Variants in ALPK3 observed in about 807,000 individuals in gnomAD.
ALPK3 encodes alpha kinase 3.
Under a neutral mutation model 140.0 loss-of-function variants are expected in ALPK3, and 102 were observed. The ratio of observed to expected loss-of-function variants is 0.73; its 90% confidence interval spans 0.62 to 0.86. ALPK3 has a LOEUF of 0.86. ALPK3 is among the 40% of genes least tolerant of loss of function. ALPK3 has a pLI of 0.00. For missense variants in ALPK3, 2,254 were observed against 2,208.2 expected (o/e 1.02, Z -0.42); for synonymous variants, 938 against 898.5 (o/e 1.04, Z -0.79).
chr15:84,849,604 G>C (rs1481304783), intron 5 of ALPK3, among the ~76,000 whole-genome samples: 1 of 152,096 alleles, frequency 6.6e-6, no homozygotes, highest in Non-Finnish European at 1.5e-5. Flanking sequence ...ATCAATGACA[G>C]AAAGATAATA....
At position 84,873,262 on chromosome 15, in the gene ALPK3, C is replaced by A. The variant is rs1452615610; in HGVS notation, c.*4806C>A. 1 of 152,132 alleles carries A rather than the reference C, an allele frequency of 6.6e-6. No homozygotes were observed. The highest frequency in any genetic ancestry group is 1.5e-5 in the Non-Finnish European group (1 of 68,022). The allele number at this position is 152,132 out of a possible 1,614,324, so 9.4% of individuals were successfully genotyped here. ...GATGGGCTGGGTGCATGCCAGGGACCCAATCAAGCATTTTTATCTTCTGAA... is the reference window on the plus strand; with the variant it reads ...GATGGGCTGGGTGCATGCCAGGGACACAATCAAGCATTTTTATCTTCTGAA... On this transcript the variant is annotated 3_prime_UTR_variant, in exon 14 of 14. Coordinates refer to ENST00000258888, the MANE Select transcript of ALPK3 (RefSeq NM_020778.5).
intron 3 of ALPK3, among the ~76,000 whole-genome samples, chr15:84,833,128 A>G (rs975943795): frequency 6.6e-6 from 1 of 152,190 alleles, no homozygotes; most frequent in Non-Finnish European, 1.5e-5. Flanking sequence ...CACACAACCT[A>G]CCTACTGTGT....
intron 3 of ALPK3, among the ~76,000 whole-genome samples, chr15:84,831,888 C>T (rs555457448): frequency 8.5e-5 from 13 of 152,106 alleles, no homozygotes; most frequent in Admixed American, 1.3e-4. Flanking sequence ...GGTTTCCTAG[C>T]GAAAGGTTTT....
At chr15:84,817,907 T>A (rs1051589374) in intron 1 of ALPK3, among the ~76,000 whole-genome samples, 1 of 152,168 alleles carries the variant, frequency 6.6e-6, no homozygotes, top group Admixed American at 6.5e-5. Flanking sequence ...TGCTACTCCC[T>A]GGCTTGGGAT....
At chr15:84,837,209 G>A (rs1215068968) in intron 3 of ALPK3, among the ~76,000 whole-genome samples, 1 of 152,196 alleles carries the variant, frequency 6.6e-6, no homozygotes, top group Non-Finnish European at 1.5e-5. Flanking sequence ...GGAGGAGGCT[G>A]TGGGGTCAAA....
intron 3 of ALPK3, among the ~76,000 whole-genome samples, chr15:84,832,752 A>G (rs546090335): frequency 7.2e-5 from 11 of 152,260 alleles, no homozygotes; most frequent in African/African-American, 2.6e-4. Context: ...TGATGACAAA[A>G]CCAGTACCTT....
intron 5 of ALPK3, among the ~76,000 whole-genome samples, chr15:84,844,964 G>T (rs1963711928): frequency 6.6e-6 from 1 of 152,244 alleles, no homozygotes; most frequent in Non-Finnish European, 1.5e-5. Flanking sequence ...TTTATTTCTG[G>T]ATAAGATGGA....
chr15:84,857,689 T>TG lies in ALPK3; in HGVS notation c.2956dup (p.Ala986GlyfsTer22). 6.2e-7 allele frequency: 1 copy of TG among 1,610,372 alleles called. No homozygotes were observed. The highest frequency in any genetic ancestry group is 8.5e-7 in the Non-Finnish European group (1 of 1,177,478). On this transcript the variant is annotated frameshift_variant, in exon 6 of 14. Transcript: ENST00000258888. LOFTEE classifies it high-confidence loss of function. ...AGTGGAGCAGGGGGAGAGTCCCAGGTGGGGGCAGCCACCGGAGGTCTGGTG... is the reference window on the plus strand; with the variant it reads ...AGTGGAGCAGGGGGAGAGTCCCAGGTGGGGGGCAGCCACCGGAGGTCTGGTG...
In ALPK3 at chr15:84,858,170, A is replaced by G; in HGVS notation, c.3432A>G (p.Pro1144=). Reference sequence around the variant, plus strand: ...AGCCCTCCCAAGAGGAGAAGTTCCCAGGGGAGGCTCTGACAGGTCTCCCGG... The same window carrying G: ...AGCCCTCCCAAGAGGAGAAGTTCCCGGGGGAGGCTCTGACAGGTCTCCCGG... ...AQEPSQEEKF[P]GEALTGLPAA... is the part of the protein sequence containing the mutation. The change falls in exon 6 of 14, where the codon CCA becomes CCG. Residue 1144 remains proline, a synonymous_variant. Coordinates refer to ENST00000258888, the MANE Select transcript of ALPK3 (RefSeq NM_020778.5). The G allele has an allele frequency of 1.2e-6, 2 of 1,611,654 alleles. No homozygotes were observed. The highest frequency in any genetic ancestry group is 8.5e-7 in the Non-Finnish European group (1 of 1,179,080).
chr15:84,822,431 C>T lies in ALPK3; in HGVS notation c.144-899C>T, dbSNP rs774255064. 4.5e-4 allele frequency among the ~76,000 whole-genome samples: 68 copies of T among 152,070 alleles called. 1 individual carries two copies. The highest frequency in any genetic ancestry group is 8.7e-4 in the Non-Finnish European group (59 of 68,012). ...CTTTCTTATGGTTAGAGACATAGAC[C>T]GTGAGCACCATTGAACAGGCTGGGC... On this transcript the variant is annotated intron_variant, in intron 1 of 13. Coordinates refer to ENST00000258888, the MANE Select transcript of ALPK3 (RefSeq NM_020778.5).
chr15:84,854,539 G>A (rs931457177), intron 5 of ALPK3, among the ~76,000 whole-genome samples: 8 of 152,086 alleles, frequency 5.3e-5, no homozygotes, highest in Admixed American at 1.3e-4. Context: ...TGCCTGCCTC[G>A]GCCTCCCAAA....
chr15:84,818,910 C>T (rs533736123), intron 1 of ALPK3, among the ~76,000 whole-genome samples: 115 of 152,366 alleles, frequency 7.5e-4, no homozygotes, highest in Admixed American at 2.8e-3. Context: ...GAGAAGCTGA[C>T]TCCCTTGTGG....
intron 2 of ALPK3, among the ~76,000 whole-genome samples, chr15:84,826,707 C>G (rs1022536719): frequency 3.3e-5 from 5 of 152,124 alleles, no homozygotes; most frequent in African/African-American, 1.2e-4. Context: ...AAAGTTCTGG[C>G]TTTTGCAGGG....
intron 5 of ALPK3, among the ~76,000 whole-genome samples, chr15:84,849,833 C>A (rs545789762): frequency 6.6e-6 from 1 of 151,536 alleles, no homozygotes; most frequent in African/African-American, 2.4e-5. Flanking sequence ...AACCTAAGTT[C>A]CCACCTTAGA....
chr15:84,856,797 C>A lies in ALPK3; in HGVS notation c.2059C>A (p.Gln687Lys). Residue 687 changes from glutamine to lysine, a missense_variant, in exon 6 of 14, where the codon CAG becomes AAG. This residue lies in a region of ALPK3 where 2,088 missense variants were observed against 2,022.9 expected (regional missense o/e 1.03). Transcript: ENST00000258888. ...GAAGATACAGGAAGACAGGAAGGCC[C>A]AGGCAGATAAGGGCACACAGGAAGA... ...GEKIQEDRKA[Q>K]ADKGTQEDRR... 1 of 1,614,040 alleles carries A rather than the reference C, an allele frequency of 6.2e-7. No homozygotes were observed.
At chr15:84,863,297 A>G (rs1963969391) in intron 10 of ALPK3, among the ~76,000 whole-genome samples, 1 of 152,290 alleles carries the variant, frequency 6.6e-6, no homozygotes, top group Non-Finnish European at 1.5e-5. Context: ...GTCACATACC[A>G]TAAGGACTCC....
rs1596159970 is a variant in ALPK3 at position 84,869,148 on chromosome 15, A to G, written c.*692A>G. 1 of 153,316 alleles carries G rather than the reference A, an allele frequency of 6.5e-6. No individual in the cohort carries two copies. Among genetic ancestry groups the G allele is most frequent in the Middle Eastern group, 3.4e-3 (1 of 296 alleles). 9.5% of individuals were successfully genotyped at this position (153,316 alleles called of 1,614,324 possible). A position where few individuals can be genotyped will look rare whatever the true frequency, so the allele number is the denominator to read the frequency against. On this transcript the variant is annotated 3_prime_UTR_variant, in exon 14 of 14. Coordinates refer to ENST00000258888, the MANE Select transcript of ALPK3 (RefSeq NM_020778.5). ...ATGCTCCCTTGTACCCCCTCGCCAC[A>G]TCCCTGTCTTGGGGCCCAGCTGCAG...
At chr15:84,851,939 C>G (rs1319833570) in intron 5 of ALPK3, among the ~76,000 whole-genome samples, 1 of 152,066 alleles carries the variant, frequency 6.6e-6, no homozygotes, top group Admixed American at 6.6e-5. Flanking sequence ...TGCCAAATTG[C>G]CGTCTGTAGA....
intron 9 of ALPK3, 134 bp from the exon 10 acceptor site, chr15:84,862,501 A>G: frequency 9.4e-7 from 1 of 1,068,700 alleles, no homozygotes; most frequent in East Asian, 2.4e-5. Context: ...GTGCCCAAAG[A>G]GCAGGCGTGG....
Sources: gnomAD v4.1 joint callset for allele counts (sites outside exome capture counted in the v4.1 genomes callset) on GRCh38, gnomAD v4.1.1 for gene constraint, gnomAD v4.1.1 regional missense constraint, MANE v1.5 for transcripts, NCBI Gene and HGNC (gene_info 2026-07-23, HGNC 2026-07-21) for gene names.